Variants in RALGPS1 observed in about 807,000 individuals in gnomAD.
RALGPS1 encodes the protein Ral GEF with PH domain and SH3 binding motif 1, also known as ras-specific guanine nucleotide-releasing factor RalGPS1.
Under a neutral mutation model 78.8 loss-of-function variants are expected in RALGPS1, and 19 were observed. That is an observed-to-expected ratio of 0.24 (90% CI 0.17 to 0.35). The LOEUF is 0.35. RALGPS1 is among the 10% of genes least tolerant of loss of function. RALGPS1 has a pLI of 1.00. For synonymous variants in RALGPS1, 228 were observed against 256.3 expected, an observed-to-expected ratio of 0.89 and a Z score of 1.06; for missense variants, 454 against 688.3, an observed-to-expected ratio of 0.66 and a Z score of 3.81.
At chr9:127,107,811 T>TGGCTTCAACTGGCCATGGCTTTTCCCC in intron 8 of RALGPS1, 1 of 1,226,670 alleles carries the variant, frequency 8.2e-7, no homozygotes, top group East Asian at 2.4e-5. Flanking sequence ...GTCTTTGGCC[T>TGGCTTCAACTGGCCATGGCTTTTCCCC]GGCTTCAACT....
chr9:127,160,318 G>A (rs1408502063), intron 8 of RALGPS1, among the ~76,000 whole-genome samples: 5 of 152,214 alleles, frequency 3.3e-5, no homozygotes, highest in African/African-American at 1.2e-4. Context: ...CTGGTGGGGA[G>A]CCTGTATTCA....
At chr9:127,216,406 C>T (rs568935577) in intron 18 of RALGPS1, among the ~76,000 whole-genome samples, 30 of 152,318 alleles carry the variant, frequency 2.0e-4, no homozygotes, top group Middle Eastern at 6.8e-3. Flanking sequence ...GATGTGTACA[C>T]ACATGTGCTC....
At position 127,091,542 on chromosome 9, in the gene RALGPS1, C is replaced by T; in HGVS notation, c.610+22186C>T. The stretch of plus-strand genomic sequence containing the variant: ...GACCCTCAGGGGGTGGTAACAGGGT[C>T]AGGCAGCTTGGCCCAGCTGCTTCTC... On this transcript the variant is annotated intron_variant, in intron 8 of 18. Transcript: ENST00000259351. The surrounding 1 kb of genome is among the most constrained non-coding windows in gnomAD (Gnocchi z 4.3). 2 of 1,307,270 alleles carry T rather than the reference C, an allele frequency of 1.5e-6. No individual in the cohort carries two copies. The highest frequency in any genetic ancestry group is 2.1e-6 in the Non-Finnish European group (2 of 953,546). The allele number at this position is 1,307,270 out of a possible 1,614,324, so 81.0% of individuals were successfully genotyped here.
At chr9:126,959,048 C>T (rs1173284351) in intron 1 of RALGPS1, among the ~76,000 whole-genome samples, 1 of 149,740 alleles carries the variant, frequency 6.7e-6, no homozygotes, top group Non-Finnish European at 1.5e-5. Context: ...GTTAGCCATT[C>T]ATGTATCTTC....
At chr9:127,154,241 GGCT>G (rs35602384) in intron 8 of RALGPS1, among the ~76,000 whole-genome samples, 20,925 of 152,240 alleles carry the variant, frequency 0.14, 1,751 homozygotes, top group Middle Eastern at 0.26. Context: ...CAAGAGGCAG[GGCT>G]GCTGCTGGGC....
chr9:127,165,935 T>C, intron 8 of RALGPS1, 134 bp from the exon 9 acceptor site: 1 of 1,328,680 alleles, frequency 7.5e-7, no homozygotes. Flanking sequence ...AGGATTGGAA[T>C]TAAAGTCCAA....
At chr9:126,920,885 C>T (rs1458811746) in intron 1 of RALGPS1, among the ~76,000 whole-genome samples, 27 of 152,166 alleles carry the variant, frequency 1.8e-4, no homozygotes, top group Admixed American at 1.8e-3. Flanking sequence ...AGGCTCGGGG[C>T]CAGGCAGACC....
chr9:127,080,061 G>A (rs1344250965), intron 8 of RALGPS1, among the ~76,000 whole-genome samples: 1 of 152,196 alleles, frequency 6.6e-6, no homozygotes, highest in Non-Finnish European at 1.5e-5. Context: ...TTGAGGTGGG[G>A]GGATTCGATA....
At chr9:126,999,359 A>G (rs1386736010) in intron 4 of RALGPS1, among the ~76,000 whole-genome samples, 2 of 152,174 alleles carry the variant, frequency 1.3e-5, no homozygotes, top group Non-Finnish European at 2.9e-5. Context: ...AGTTTTCATT[A>G]GAGTTAATTC....
chr9:126,922,323 A>G (rs946029950), intron 1 of RALGPS1, among the ~76,000 whole-genome samples: 2 of 152,210 alleles, frequency 1.3e-5, no homozygotes, highest in Non-Finnish European at 2.9e-5. Flanking sequence ...TGGCCTTGAC[A>G]TCATAGGTTT....
At chr9:127,022,517 G>GA (rs550503351) in intron 4 of RALGPS1, among the ~76,000 whole-genome samples, 19,947 of 141,396 alleles carry the variant, frequency 0.14, 2,016 homozygotes, top group African/African-American at 0.3. Flanking sequence ...ATCCCATGCA[G>GA]AAAAAAAAAA....
At chr9:127,100,669 G>A (rs1217688139) in intron 8 of RALGPS1, among the ~76,000 whole-genome samples, 2 of 152,144 alleles carry the variant, frequency 1.3e-5, no homozygotes, top group African/African-American at 2.4e-5. Context: ...ACTAATGAGA[G>A]TGGCCATGGC....
intron 1 of RALGPS1, among the ~76,000 whole-genome samples, chr9:126,958,574 G>T (rs1161407703): frequency 6.6e-6 from 1 of 152,142 alleles, no homozygotes; most frequent in South Asian, 2.1e-4. Flanking sequence ...AGGTTTGTTG[G>T]TGAAGTGGCT....
chr9:127,088,837 G>T, intron 8 of RALGPS1: 1 of 1,360,048 alleles, frequency 7.4e-7, no homozygotes, highest in Non-Finnish European at 1.0e-6. Flanking sequence ...GGTCCTCCCA[G>T]CCTCAGGATG....
chr9:126,976,130 A>C (rs866632728), intron 3 of RALGPS1, among the ~76,000 whole-genome samples: 1 of 152,162 alleles, frequency 6.6e-6, no homozygotes, highest in African/African-American at 2.4e-5. Context: ...TTACTGGCTC[A>C]GTGGATTTTA....
intron 3 of RALGPS1, among the ~76,000 whole-genome samples, chr9:126,973,374 ATAGGTAGGTAGG>A (rs759730436): frequency 4.6e-5 from 7 of 152,040 alleles, no homozygotes; most frequent in Admixed American, 2.0e-4. Context: ...TCTCTCTAAA[ATAGGTAGGTAGG>A]TAGGTAGGTA....
At chr9:127,095,053 A>G (rs1468850275) in intron 8 of RALGPS1, among the ~76,000 whole-genome samples, 3 of 152,232 alleles carry the variant, frequency 2.0e-5, no homozygotes, top group Admixed American at 6.5e-5. Context: ...AGCCATTCAG[A>G]TGAAAATGGC....
chr9:127,200,063 G>C (rs1223388005), intron 14 of RALGPS1, among the ~76,000 whole-genome samples: 1 of 152,060 alleles, frequency 6.6e-6, no homozygotes, highest in African/African-American at 2.4e-5. Context: ...TAACCACACT[G>C]TCACACGTGG....
chr9:127,028,345 G>T (rs2046135990), intron 4 of RALGPS1, among the ~76,000 whole-genome samples: 1 of 152,248 alleles, frequency 6.6e-6, no homozygotes, highest in Non-Finnish European at 1.5e-5. Flanking sequence ...TACCTGTGTG[G>T]TCTGGACAAA....
Sources: gnomAD v4.1 joint callset for allele counts (sites outside exome capture counted in the v4.1 genomes callset) on GRCh38, gnomAD v4.1.1 for gene constraint, Gnocchi (gnomAD v3.1) non-coding constraint, MANE v1.5 for transcripts, NCBI Gene and HGNC (gene_info 2026-07-23, HGNC 2026-07-21) for gene names.